The following SLC17A2 variants were observed in gnomAD, a reference collection of about 807,000 sequenced individuals.
SLC17A2 encodes the protein solute carrier family 17 member 2.
SLC17A2 carries 38 observed loss-of-function variants against 52.1 expected under a neutral mutation model. That is an observed-to-expected ratio of 0.73 (90% CI 0.56 to 0.96). The LOEUF (loss-of-function observed/expected upper bound fraction) is 0.96. Among genes scored for constraint, SLC17A2 ranks in the 40% least tolerant of loss-of-function variants. The pLI is 0.00. For missense variants in SLC17A2, 508 were observed against 583.9 expected, an observed-to-expected ratio of 0.87 and a Z score of 1.34; for synonymous variants, 226 against 211.9, an observed-to-expected ratio of 1.07 and a Z score of -0.58.
In SLC17A2 at chr6:25,914,681, A is replaced by G; in HGVS notation, c.1212-11T>C. 1 of 1,536,334 alleles carries G rather than the reference A, an allele frequency of 6.5e-7. No individual in the cohort carries two copies. The highest frequency in any genetic ancestry group is 2.3e-5 in the East Asian group (1 of 44,258). On this transcript the variant is annotated splice_polypyrimidine_tract_variant and intron_variant, in intron 10 of 11. Transcript: ENST00000377850. The stretch of plus-strand genomic sequence containing the variant: ...AGGAAACTTGCATATCTGTGGGAAG[A>G]TGATTTTATAAATGATTTTATATAG...
At chr6:25,929,506 G>C (rs1193257363) in intron 1 of SLC17A2, among the ~76,000 whole-genome samples, 13 of 152,192 alleles carry the variant, frequency 8.5e-5, no homozygotes, top group Non-Finnish European at 7.3e-5. Flanking sequence ...TTGATTGGTT[G>C]TTAAATTGGT....
intron 2 of SLC17A2, 114 bp downstream of exon 2, chr6:25,925,655 A>C (rs532774886): frequency 3.1e-5 from 31 of 991,538 alleles, no homozygotes; most frequent in African/African-American, 4.8e-5. Flanking sequence ...GCTGGCTCCA[A>C]TGTTACACTG....
At chr6:25,913,511 G>C in intron 11 of SLC17A2, 60 bp from the exon 12 acceptor site, 1 of 1,523,652 alleles carries the variant, frequency 6.6e-7, no homozygotes, top group Non-Finnish European at 9.0e-7. Flanking sequence ...ACCAGTTCTA[G>C]TAGCCCTCCC....
chr6:25,925,730 C>G, intron 2 of SLC17A2, 39 bp downstream of exon 2: 1 of 1,591,824 alleles, frequency 6.3e-7, no homozygotes, highest in Non-Finnish European at 8.6e-7. Context: ...TAAGCTTCAG[C>G]TTATTAACAT....
chr6:25,914,107 C>G (rs531386558), intron 11 of SLC17A2, among the ~76,000 whole-genome samples: 1 of 152,206 alleles, frequency 6.6e-6, no homozygotes, highest in Non-Finnish European at 1.5e-5. Context: ...AAACACCGAG[C>G]AAGCCTCCTT....
intron 3 of SLC17A2, among the ~76,000 whole-genome samples, chr6:25,922,168 A>T (rs936827770): frequency 6.6e-6 from 1 of 152,042 alleles, no homozygotes; most frequent in African/African-American, 2.4e-5. Context: ...ACTCAAAAAA[A>T]CTATAAATAA....
chr6:25,925,233 G>A (rs1182073553), intron 2 of SLC17A2, among the ~76,000 whole-genome samples: 3 of 152,228 alleles, frequency 2.0e-5, no homozygotes, highest in Non-Finnish European at 2.9e-5. Context: ...ACTTTCCCGG[G>A]CCAGGCGTGG....
intron 1 of SLC17A2, among the ~76,000 whole-genome samples, chr6:25,928,200 A>G (rs1420188947): frequency 6.6e-6 from 1 of 152,048 alleles, no homozygotes; most frequent in African/African-American, 2.4e-5. Flanking sequence ...CCTAATGCCT[A>G]GACTACTGCT....
intron 11 of SLC17A2, 94 bp downstream of exon 11, chr6:25,914,486 T>A: frequency 2.5e-6 from 2 of 793,454 alleles, no homozygotes; most frequent in Non-Finnish European, 4.4e-6. Flanking sequence ...AATAGAGTAA[T>A]TGTGTTGCCA....
intron 10 of SLC17A2, among the ~76,000 whole-genome samples, chr6:25,915,149 G>GTATATATATATATATATATCTATATATA (rs1766253417): frequency 1.7e-5 from 1 of 57,850 alleles, no homozygotes; most frequent in African/African-American, 5.7e-5. Flanking sequence ...TATTGTGACT[G>GTATATATATATATATATATCTATATATA]TATATATATA....
In SLC17A2 at chr6:25,913,355, G is replaced by A. The variant is rs1174883642; in HGVS notation, c.1399C>T (p.Gln467Ter). Reference protein sequence around the residue: ...FYLTFGQAELQDWAKERTLTR... With the variant: ...FYLTFGQAEL Reference sequence around the variant, plus strand: ...AGGGTCCTCTCTTTGGCCCAGTCTTGAAGTTCTGCTTGTCCAAACGTGAGG... The same window carrying A: ...AGGGTCCTCTCTTTGGCCCAGTCTTAAAGTTCTGCTTGTCCAAACGTGAGG... Residue 467 changes from glutamine to a stop codon, truncating the protein, a stop_gained, in exon 12 of 12, where the codon CAA (glutamine) becomes TAA (stop). Transcript: ENST00000377850. LOFTEE classifies it high-confidence loss of function. 6.2e-7 allele frequency: 1 copy of A among 1,614,000 alleles called. No homozygotes were observed. Among genetic ancestry groups the A allele is most frequent in the African/African-American group, 1.3e-5 (1 of 74,912 alleles).
intron 2 of SLC17A2, among the ~76,000 whole-genome samples, chr6:25,924,660 T>C (rs1766690296): frequency 6.6e-6 from 1 of 151,818 alleles, no homozygotes. Flanking sequence ...AATACAAAAA[T>C]TACCCAGGCA....
chr6:25,929,376 A>C (rs1766872315), intron 1 of SLC17A2, among the ~76,000 whole-genome samples: 1 of 152,368 alleles, frequency 6.6e-6, no homozygotes, highest in Admixed American at 6.5e-5. Flanking sequence ...TATGTTGTAT[A>C]ATATTCTAGA....
At chr6:25,917,853 T>C (rs1341477073) in intron 6 of SLC17A2, among the ~76,000 whole-genome samples, 3 of 152,246 alleles carry the variant, frequency 2.0e-5, no homozygotes. Context: ...GGCACCATGA[T>C]GACACCCAAG....
rs1474485680 is a variant in SLC17A2, at chr6:25,916,544, AATTATAACAATGCCTCTCTCAAGGTC to A, written c.930+115_930+140del. 3 of 718,004 alleles carry A rather than the reference AATTATAACAATGCCTCTCTCAAGGTC, an allele frequency of 4.2e-6. No individual in the cohort carries two copies. The East Asian group carries it at 8.1e-5, about 19-fold the overall frequency. 44.5% of individuals were successfully genotyped at this position (718,004 alleles called of 1,614,324 possible). On this transcript the variant is annotated intron_variant, in intron 8 of 11. Coordinates refer to ENST00000377850, the MANE Select transcript of SLC17A2 (RefSeq NM_001286123.3). The stretch of plus-strand genomic sequence containing the variant: ...CCTGTTTCCACATCTGTGAAAAGGG[AATTATAACAATGCCTCTCTCAAGGTC>A]ATTGTGAAGGTTAAATTAATGGTTA...
chr6:25,925,026 G>C (rs1425623174), intron 2 of SLC17A2, among the ~76,000 whole-genome samples: 1 of 152,102 alleles, frequency 6.6e-6, no homozygotes, highest in Non-Finnish European at 1.5e-5. Flanking sequence ...GTGAAAGAAA[G>C]AGAAAACCTG....
At chr6:25,926,490 G>C (rs1361929190) in intron 1 of SLC17A2, among the ~76,000 whole-genome samples, 1 of 152,166 alleles carries the variant, frequency 6.6e-6, no homozygotes, top group Non-Finnish European at 1.5e-5. Flanking sequence ...ATATCACCTA[G>C]AAAATTATAA....
In SLC17A2 at chr6:25,921,232, C is replaced by T. The variant is rs753897060; in HGVS notation, c.421G>A (p.Asp141Asn). The change falls in exon 4 of 12, where the codon GAC becomes AAC. Residue 141 changes from aspartate (D) to asparagine (N), a missense_variant. Physicochemically the swap from Asp to Asn is conservative, Grantham distance 23. Transcript: ENST00000377850. ...ATGATGACCAAAATCACTCCGAAGT[C>T]AGCAGCCAGTGGTGTAAAGAGGGTG... ...LLTLFTPLAA[D>N]FGVILVIMVR... 27 of 1,614,152 alleles carry T rather than the reference C, an allele frequency of 1.7e-5. 1 individual carries two copies. The Admixed American group carries it at 4.0e-4, about 24-fold the overall frequency.
At position 25,913,231 on chromosome 6, in the gene SLC17A2, G is replaced by C; in HGVS notation, c.*86C>G. 2.1e-6 allele frequency: 3 copies of C among 1,445,712 alleles called. No individual in the cohort carries two copies. In the South Asian group the frequency reaches 3.5e-5, roughly 17 times the overall value. The allele number at this position is 1,445,712 out of a possible 1,614,324, so 89.6% of individuals were successfully genotyped here. A position where few individuals can be genotyped will look rare whatever the true frequency, so the allele number is the denominator to read the frequency against. On this transcript the variant is annotated 3_prime_UTR_variant, in exon 12 of 12. Transcript: ENST00000377850. The stretch of plus-strand genomic sequence containing the variant: ...CACAGCCAGAGTTAAGAACTGCTGA[G>C]TCTATGGTCAGGAATATGGAGAGAA...
Sources: allele counts gnomAD v4.1 joint callset (sites outside exome capture counted in the v4.1 genomes callset), GRCh38; gene constraint gnomAD v4.1.1; transcripts MANE v1.5; gene names NCBI Gene and HGNC (gene_info 2026-07-23, HGNC 2026-07-21).